RBFOX1: variants seen among roughly 807,000 people sequenced by gnomAD.
RBFOX1 encodes the protein RNA binding protein fox-1 homolog 1.
In RBFOX1, 8 loss-of-function variants were observed where a neutral mutation model predicts 57.7. The ratio of observed to expected loss-of-function variants is 0.14; its 90% confidence interval spans 0.08 to 0.25. The LOEUF (loss-of-function observed/expected upper bound fraction) is 0.25. Among genes scored for constraint, RBFOX1 ranks in the 10% least tolerant of loss-of-function variants. The pLI, the probability that RBFOX1 is intolerant of heterozygous loss-of-function variation, is 1.00. For missense variants in RBFOX1, 611 were observed against 548.5 expected (o/e 1.11, Z -1.14); for synonymous variants, 326 against 222.4 (o/e 1.47, Z -4.15).
At chr16:7,549,686 G>A (rs921406499) in intron 5 of RBFOX1, among the ~76,000 whole-genome samples, 1 of 152,128 alleles carries the variant, frequency 6.6e-6, no homozygotes, top group Non-Finnish European at 1.5e-5. Context: ...AAAGATGTAA[G>A]CCGGAAGACT....
chr16:5,913,903 G>T (rs895047027), intron 4 of RBFOX1, among the ~76,000 whole-genome samples: 1 of 152,226 alleles, frequency 6.6e-6, no homozygotes, highest in South Asian at 2.1e-4. Context: ...TTACACCAAC[G>T]CTAAGAGGTG....
In RBFOX1 at chr16:7,062,893, A is replaced by ATTT. The variant is rs1170936027; in HGVS notation, c.27+10828_27+10830dup. ...ACCTCATCTCATTCAAATGATCGCC[A>ATTT]TTTTTTTTTTTTTTTTTTTTTTTTT... On this transcript the variant is annotated intron_variant, in intron 4 of 15. Coordinates refer to ENST00000550418, the MANE Select transcript of RBFOX1 (RefSeq NM_018723.4). 7.2e-3 allele frequency among the ~76,000 whole-genome samples: 341 copies of ATTT among 47,134 alleles called. 19 individuals are homozygous for ATTT. The highest frequency in any genetic ancestry group is 0.016 in the African/African-American group (170 of 10,826). The allele number at this position is 47,134 out of a possible 152,430, so 30.9% of individuals were successfully genotyped here.
At chr16:5,954,710 G>T (rs868828975) in intron 4 of RBFOX1, among the ~76,000 whole-genome samples, 1 of 152,116 alleles carries the variant, frequency 6.6e-6, no homozygotes, top group Non-Finnish European at 1.5e-5. Flanking sequence ...CGTGTGCGCC[G>T]TGAGCTATTA....
chr16:6,557,126 C>A (rs1033340746), intron 2 of RBFOX1, among the ~76,000 whole-genome samples: 21 of 139,514 alleles, frequency 1.5e-4, no homozygotes, highest in African/African-American at 5.2e-4. Flanking sequence ...TATATACATA[C>A]ATATACATAT....
intron 3 of RBFOX1, among the ~76,000 whole-genome samples, chr16:6,948,809 C>G (rs1376497190): frequency 6.6e-6 from 1 of 152,160 alleles, no homozygotes; most frequent in African/African-American, 2.4e-5. Flanking sequence ...TAATTTTAGC[C>G]TAAATCCTAG....
At chr16:5,495,953 C>G (rs1484548983) in intron 2 of RBFOX1, among the ~76,000 whole-genome samples, 2 of 152,322 alleles carry the variant, frequency 1.3e-5, no homozygotes, top group South Asian at 4.1e-4. Context: ...TGGTGAAACC[C>G]TGTCTCTACT....
chr16:7,512,141 G>T (rs2075264651), intron 4 of RBFOX1, among the ~76,000 whole-genome samples: 1 of 152,126 alleles, frequency 6.6e-6, no homozygotes, highest in African/African-American at 2.4e-5. Flanking sequence ...GTAGAAGAAA[G>T]AAGGCAGCTT....
chr16:7,490,332 C>T (rs988816925), intron 4 of RBFOX1, among the ~76,000 whole-genome samples: 1 of 152,192 alleles, frequency 6.6e-6, no homozygotes, highest in Admixed American at 6.5e-5. Flanking sequence ...CTAGGGGAGG[C>T]TCAGCTCTAT....
At chr16:6,031,580 CAT>C (rs1567296204) in intron 1 of RBFOX1, among the ~76,000 whole-genome samples, 1 of 152,212 alleles carries the variant, frequency 6.6e-6, no homozygotes, top group African/African-American at 2.4e-5. Context: ...TGTGCACACA[CAT>C]CTCTGTATGT....
chr16:5,551,386 A>G (rs1169014885), intron 2 of RBFOX1, among the ~76,000 whole-genome samples: 1 of 152,220 alleles, frequency 6.6e-6, no homozygotes, highest in Non-Finnish European at 1.5e-5. Context: ...GTTGGACGGG[A>G]CACAGCCAGA....
At chr16:6,703,189 G>A (rs1489653975) in intron 3 of RBFOX1, among the ~76,000 whole-genome samples, 2 of 152,042 alleles carry the variant, frequency 1.3e-5, no homozygotes, top group Non-Finnish European at 2.9e-5. Flanking sequence ...AGACATTTGG[G>A]TTGTTTCCAC....
At chr16:6,334,919 G>C (rs1234274982) in intron 2 of RBFOX1, among the ~76,000 whole-genome samples, 2 of 152,186 alleles carry the variant, frequency 1.3e-5, no homozygotes, top group African/African-American at 2.4e-5. Context: ...ACTTGGGTTG[G>C]TGAATGCATT....
At chr16:5,448,706 C>G (rs1367862962) in intron 1 of RBFOX1, among the ~76,000 whole-genome samples, 2 of 152,164 alleles carry the variant, frequency 1.3e-5, no homozygotes, top group Non-Finnish European at 2.9e-5. Flanking sequence ...TACACCCACC[C>G]CTAAATGACT....
intron 3 of RBFOX1, among the ~76,000 whole-genome samples, chr16:6,908,443 G>C (rs990561542): frequency 1.3e-5 from 2 of 152,048 alleles, no homozygotes; most frequent in African/African-American, 4.8e-5. Flanking sequence ...TCTGGCCTCT[G>C]GTGTGACCTC....
intron 1 of RBFOX1, among the ~76,000 whole-genome samples, chr16:6,247,772 CAG>C (rs2097577293): frequency 6.6e-6 from 1 of 152,274 alleles, no homozygotes; most frequent in East Asian, 1.9e-4. Context: ...AATTACTCTA[CAG>C]AGAGAGAGTG....
At chr16:7,066,140 G>T (rs1421859647) in intron 4 of RBFOX1, among the ~76,000 whole-genome samples, 1 of 152,158 alleles carries the variant, frequency 6.6e-6, no homozygotes, top group Non-Finnish European at 1.5e-5. Context: ...ACAAACAAAT[G>T]CTAAGCAATG....
At chr16:6,018,226 G>GGAAGGGAGGGAGGA (rs2095011068), upstream of RBFOX1, among the ~76,000 whole-genome samples, 1 of 46,164 alleles carries the variant, frequency 2.2e-5, no homozygotes, top group Admixed American at 2.2e-4. Flanking sequence ...GGGAGGGAGG[G>GGAAGGGAGGGAGGA]AAAGGAAAAG....
chr16:5,837,413 C>G (rs549138723), intron 3 of RBFOX1, among the ~76,000 whole-genome samples: 108 of 152,168 alleles, frequency 7.1e-4, no homozygotes, highest in Non-Finnish European at 1.2e-3. Flanking sequence ...TTGTCCCAGT[C>G]CAAGTCTGAC....
intron 1 of RBFOX1, among the ~76,000 whole-genome samples, chr16:6,075,731 A>G (rs1183508712): frequency 6.6e-6 from 1 of 152,212 alleles, no homozygotes; most frequent in East Asian, 1.9e-4. Context: ...TAAAATGATT[A>G]AATCAAAGTC....
Sources: allele counts gnomAD v4.1 joint callset (sites outside exome capture counted in the v4.1 genomes callset), GRCh38; gene constraint gnomAD v4.1.1; transcripts MANE v1.5; gene names NCBI Gene and HGNC (gene_info 2026-07-23, HGNC 2026-07-21).